Variants in CLEC16A observed in about 807,000 individuals in gnomAD.
CLEC16A encodes the protein C-type lectin domain containing 16A.
Under a neutral mutation model 109.5 loss-of-function variants are expected in CLEC16A, and 51 were observed. That is an observed-to-expected ratio of 0.47 (90% confidence interval 0.37 to 0.59). The LOEUF (loss-of-function observed/expected upper bound fraction) is 0.59. CLEC16A is among the 20% of genes least tolerant of loss of function. The pLI, the probability that CLEC16A is intolerant of heterozygous loss-of-function variation, is 0.00. For synonymous variants in CLEC16A, 673 were observed against 564.2 expected (o/e 1.19, Z -2.73); for missense variants, 1,339 against 1,394.0 (o/e 0.96, Z 0.63).
chr16:11,125,442 C>T (rs376275841), intron 21 of CLEC16A, among the ~76,000 whole-genome samples: 1 of 152,152 alleles, frequency 6.6e-6, no homozygotes, highest in Non-Finnish European at 1.5e-5. Context: ...TAAAAAGCCC[C>T]TCCGTATGGA....
intron 13 of CLEC16A, chr16:11,027,881 A>G (rs2046506291): frequency 1.6e-6 from 1 of 629,010 alleles, no homozygotes; most frequent in East Asian, 2.8e-5. Context: ...TCTGTCTTCA[A>G]AAACTGGAAA....
intron 12 of CLEC16A, among the ~76,000 whole-genome samples, chr16:11,022,129 G>T (rs555834109): frequency 6.6e-6 from 1 of 152,154 alleles, no homozygotes; most frequent in Non-Finnish European, 1.5e-5. Context: ...GTTGCCTTGA[G>T]TTAGGCCGCA....
At chr16:11,157,497 G>A (rs1399781992) in intron 22 of CLEC16A, among the ~76,000 whole-genome samples, 1 of 152,236 alleles carries the variant, frequency 6.6e-6, no homozygotes, top group African/African-American at 2.4e-5. Context: ...AAGGGATACT[G>A]AAAAGGGGTC....
intron 19 of CLEC16A, among the ~76,000 whole-genome samples, chr16:11,113,073 C>G (rs1299591456): frequency 6.6e-6 from 1 of 152,234 alleles, no homozygotes; most frequent in Admixed American, 6.5e-5. Flanking sequence ...AGCTCTTGAA[C>G]TCACAGGTGT....
intron 10 of CLEC16A, 82 bp from the exon 11 acceptor site, chr16:11,002,992 C>T (rs2044758490): frequency 2.9e-5 from 32 of 1,117,200 alleles, no homozygotes; most frequent in Non-Finnish European, 4.0e-5. Flanking sequence ...TTTCTTAGGA[C>T]AGAAACTTTT....
chr16:11,017,175 G>C (rs2045809812), intron 11 of CLEC16A, among the ~76,000 whole-genome samples: 1 of 152,166 alleles, frequency 6.6e-6, no homozygotes, highest in Non-Finnish European at 1.5e-5. Context: ...CAGCTACCAT[G>C]AATCATTGCC....
At chr16:11,009,256 C>T (rs968207851) in intron 11 of CLEC16A, among the ~76,000 whole-genome samples, 1 of 152,174 alleles carries the variant, frequency 6.6e-6, no homozygotes, top group African/African-American at 2.4e-5. Flanking sequence ...GTAGCATGTG[C>T]TGGGGATTTC....
chr16:10,944,812 C>A lies in CLEC16A; in HGVS notation c.80+15C>A, dbSNP rs1370718051. The stretch of plus-strand genomic sequence containing the variant: ...GACCACCTCAAGTGAGTGTGGGGGG[C>A]GTAGCGGGAGGCCTCGGGGCTGGAC... On this transcript the variant is annotated intron_variant, in intron 1 of 23. Transcript: ENST00000409790. The A allele has an allele frequency of 1.3e-6, 2 of 1,593,710 alleles. No individual in the cohort carries two copies. The highest frequency in any genetic ancestry group is 2.3e-5 in the South Asian group (2 of 88,478).
intron 23 of CLEC16A, among the ~76,000 whole-genome samples, chr16:11,167,794 C>T (rs1313022776): frequency 6.6e-6 from 1 of 152,188 alleles, no homozygotes; most frequent in Non-Finnish European, 1.5e-5. Flanking sequence ...TTTCTGAGCC[C>T]AATTTAAGGT....
chr16:10,987,146 G>A lies in CLEC16A; in HGVS notation c.1071+4155G>A, dbSNP rs146587765. 8.4e-3 allele frequency among the ~76,000 whole-genome samples: 1,274 copies of A among 151,954 alleles called. 11 individuals are homozygous for A. The highest frequency in any genetic ancestry group is 0.027 in the African/African-American group (1,129 of 41,434). The stretch of plus-strand genomic sequence containing the variant: ...GCTGGGATTACAGGTGTGAGCCACT[G>A]CACCCAGCTTTTATGCAGTTTTTTT... On this transcript the variant is annotated intron_variant, in intron 10 of 23. Coordinates refer to ENST00000409790, the MANE Select transcript of CLEC16A (RefSeq NM_015226.3).
intron 20 of CLEC16A, among the ~76,000 whole-genome samples, chr16:11,122,287 A>G (rs1440535905): frequency 6.6e-6 from 1 of 152,218 alleles, no homozygotes; most frequent in African/African-American, 2.4e-5. Context: ...GTGAGAAACA[A>G]CTATAGAAGA....
At chr16:11,117,497 A>G (rs1340109186) in intron 19 of CLEC16A, among the ~76,000 whole-genome samples, 1 of 152,186 alleles carries the variant, frequency 6.6e-6, no homozygotes, top group African/African-American at 2.4e-5. Context: ...TAAAATTATA[A>G]TGTTTTCCAC....
chr16:10,981,113 T>C (rs1287402193), intron 9 of CLEC16A, among the ~76,000 whole-genome samples: 3 of 152,188 alleles, frequency 2.0e-5, no homozygotes, highest in Non-Finnish European at 4.4e-5. Flanking sequence ...ATGAGCACTG[T>C]GTGTGTCCAC....
At chr16:10,956,249 T>A (rs1395689032) in intron 1 of CLEC16A, among the ~76,000 whole-genome samples, 1 of 152,250 alleles carries the variant, frequency 6.6e-6, no homozygotes, top group African/African-American at 2.4e-5. Flanking sequence ...AATGCTTGAT[T>A]ATACTAGGTC....
chr16:11,052,236 G>A (rs1331408194), intron 18 of CLEC16A, among the ~76,000 whole-genome samples: 9 of 152,080 alleles, frequency 5.9e-5, no homozygotes, highest in Admixed American at 5.2e-4. Context: ...TTTATCTCCC[G>A]GGTAAGATCA....
chr16:10,958,054 A>G (rs1384941862), intron 2 of CLEC16A, 144 bp downstream of exon 2: 1 of 736,652 alleles, frequency 1.4e-6, no homozygotes, highest in Non-Finnish European at 2.0e-6. Flanking sequence ...TAGCTGTAAA[A>G]AAAAAAAAAA....
At chr16:11,111,521 C>G (rs1473321100) in intron 19 of CLEC16A, among the ~76,000 whole-genome samples, 1 of 152,182 alleles carries the variant, frequency 6.6e-6, no homozygotes, top group Admixed American at 6.5e-5. Flanking sequence ...GAAGGGTAGA[C>G]CCCACCACTT....
chr16:11,132,453 C>T (rs2153049878), intron 22 of CLEC16A, among the ~76,000 whole-genome samples: 1 of 152,272 alleles, frequency 6.6e-6, no homozygotes, highest in East Asian at 1.9e-4. Context: ...CTTCCACCTT[C>T]ATCCATCAAT....
chr16:11,017,082 A>G (rs1030449926), intron 11 of CLEC16A, among the ~76,000 whole-genome samples: 2 of 151,810 alleles, frequency 1.3e-5, no homozygotes, highest in African/African-American at 2.4e-5. Flanking sequence ...CTCTTGGGGC[A>G]TGAGATATCT....
Sources: gnomAD v4.1 joint callset for allele counts (sites outside exome capture counted in the v4.1 genomes callset) on GRCh38, gnomAD v4.1.1 for gene constraint, MANE v1.5 for transcripts, NCBI Gene and HGNC (gene_info 2026-07-23, HGNC 2026-07-21) for gene names.